The following KSR2 variants were observed in gnomAD, a reference collection of about 807,000 sequenced individuals.
KSR2 encodes the protein kinase suppressor of ras 2.
A neutral mutation model predicts 107.8 loss-of-function variants in KSR2; 25 were observed. That is an observed-to-expected ratio of 0.23 (90% confidence interval 0.17 to 0.32). The LOEUF (loss-of-function observed/expected upper bound fraction) is 0.32, where lower values mean the gene tolerates loss of function less well. Among genes scored for constraint, KSR2 ranks in the 10% least tolerant of loss-of-function variants. The pLI, the probability that KSR2 is intolerant of heterozygous loss-of-function variation, is 1.00. For synonymous variants in KSR2, 480 were observed against 507.0 expected, an observed-to-expected ratio of 0.95 and a Z score of 0.71; for missense variants, 887 against 1,268.9, an observed-to-expected ratio of 0.70 and a Z score of 4.57.
chr12:117,694,840 T>C (rs1401293787), intron 4 of KSR2, among the ~76,000 whole-genome samples: 1 of 103,478 alleles, frequency 9.7e-6, no homozygotes, highest in Non-Finnish European at 1.8e-5. Context: ...AAATGTTGTA[T>C]GATTCTTTTT....
chr12:117,657,927 C>T (rs924725336), intron 5 of KSR2, among the ~76,000 whole-genome samples: 4 of 152,230 alleles, frequency 2.6e-5, no homozygotes, highest in African/African-American at 9.6e-5. Context: ...ACACATATAC[C>T]TGCACATTGT....
At chr12:117,687,650 C>G (rs1035110073) in intron 4 of KSR2, among the ~76,000 whole-genome samples, 3 of 152,120 alleles carry the variant, frequency 2.0e-5, no homozygotes, top group African/African-American at 7.2e-5. Flanking sequence ...GACCGTCTAG[C>G]ATTCACCCCA....
intron 4 of KSR2, among the ~76,000 whole-genome samples, chr12:117,723,352 C>T (rs776870011): frequency 6.6e-6 from 1 of 152,156 alleles, no homozygotes; most frequent in Non-Finnish European, 1.5e-5. Context: ...TTTCAACCAA[C>T]CCATCACAAC....
chr12:117,727,121 A>T (rs982080124), intron 4 of KSR2, among the ~76,000 whole-genome samples: 1 of 152,014 alleles, frequency 6.6e-6, no homozygotes, highest in African/African-American at 2.4e-5. Flanking sequence ...TACACCTGTA[A>T]TCCCAGCACT....
intron 4 of KSR2, among the ~76,000 whole-genome samples, chr12:117,729,362 T>G (rs759467054): frequency 2.0e-5 from 3 of 152,102 alleles, no homozygotes; most frequent in Non-Finnish European, 1.5e-5. Context: ...ATTAGTTGCA[T>G]ACGACAACAG....
intron 15 of KSR2, among the ~76,000 whole-genome samples, 197 bp from the exon 16 acceptor site, chr12:117,484,746 C>G (rs924079398): frequency 8.5e-5 from 13 of 152,140 alleles, no homozygotes. Context: ...ACAGGCAGGG[C>G]CCCCAAGACA....
chr12:117,702,193 A>G (rs966145663), intron 4 of KSR2, among the ~76,000 whole-genome samples: 28 of 152,096 alleles, frequency 1.8e-4, no homozygotes, highest in Non-Finnish European at 1.8e-4. Context: ...TCCCCTCAGT[A>G]AGCCTCCCCC....
intron 3 of KSR2, among the ~76,000 whole-genome samples, chr12:117,840,761 G>A (rs539772915): frequency 2.0e-5 from 3 of 152,214 alleles, no homozygotes; most frequent in Admixed American, 2.0e-4. Flanking sequence ...CCAACACTCT[G>A]GGAGGCCGAG....
chr12:117,615,214 TACACACACACACACACACACACACAC>T (rs57116320), intron 5 of KSR2, among the ~76,000 whole-genome samples: 2 of 147,810 alleles, frequency 1.4e-5, no homozygotes, highest in African/African-American at 5.0e-5. Context: ...TCTCTTCAGT[TACACACACACACACACACACACACAC>T]ACACACACAC....
rs899992598 is a variant in KSR2, at chr12:117,507,701, G to C, written c.2219+17151C>G. Among the ~76,000 whole-genome samples, 8 of 152,226 alleles carry C rather than the reference G, an allele frequency of 5.3e-5. 1 individual carries two copies. In the South Asian group the frequency reaches 1.5e-3, roughly 28 times the overall value. ...GAGTGGGTTAAACCTACCCCCCTGC[G>C]ATCTTGTTTGAACTACTGATTTGCT... is the stretch of plus-strand genomic sequence containing the variant. On this transcript the variant is annotated intron_variant, in intron 14 of 19. Transcript: ENST00000339824.
chr12:117,566,841 T>C (rs939113361), intron 7 of KSR2, among the ~76,000 whole-genome samples: 3 of 152,190 alleles, frequency 2.0e-5, no homozygotes, highest in African/African-American at 7.2e-5. Context: ...ACCCATCTCT[T>C]GTGGCTTCAA....
chr12:117,709,312 C>T (rs1443992097), intron 4 of KSR2, among the ~76,000 whole-genome samples: 3 of 152,086 alleles, frequency 2.0e-5, no homozygotes, highest in African/African-American at 7.2e-5. Flanking sequence ...ATGACCTGCA[C>T]CCAACAATCA....
rs368850098 is a variant in KSR2, at chr12:117,524,946, G to T, written c.2125C>A (p.Arg709=). 8 of 1,613,666 alleles carry T rather than the reference G, an allele frequency of 5.0e-6. No individual in the cohort carries two copies. The highest frequency in any genetic ancestry group is 6.8e-6 in the Non-Finnish European group (8 of 1,179,858). ...GTCTGCCTGTAGGCCATCACCTCCCGCTTGAAGGCCTTGAGCTGGTCCTCG... is the reference window on the plus strand; with the variant it reads ...GTCTGCCTGTAGGCCATCACCTCCCTCTTGAAGGCCTTGAGCTGGTCCTCG... ...DNEDQLKAFK[R]EVMAYRQTRH... The change falls in exon 14 of 20, where the codon CGG becomes AGG. Residue 709 remains arginine, a synonymous_variant. Coordinates refer to ENST00000339824, the MANE Select transcript of KSR2 (RefSeq NM_173598.6).
At chr12:117,484,233 GCC>G (rs1340244756) in intron 16 of KSR2, among the ~76,000 whole-genome samples, 181 bp downstream of exon 16, 1 of 152,092 alleles carries the variant, frequency 6.6e-6, no homozygotes, top group African/African-American at 2.4e-5. Flanking sequence ...CAAGGTGCTG[GCC>G]CCCCCAGGGG....
chr12:117,878,836 A>G (rs1201814280), intron 1 of KSR2, among the ~76,000 whole-genome samples: 1 of 152,026 alleles, frequency 6.6e-6, no homozygotes, highest in Non-Finnish European at 1.5e-5. Flanking sequence ...GCAGAGAGGA[A>G]CTCCTCCCAA....
chr12:117,601,268 T>C (rs1451400639), intron 5 of KSR2, among the ~76,000 whole-genome samples: 1 of 142,528 alleles, frequency 7.0e-6, no homozygotes, highest in African/African-American at 2.6e-5. Context: ...AAATTGTCTG[T>C]GCTTACTTGT....
intron 3 of KSR2, among the ~76,000 whole-genome samples, chr12:117,829,107 A>G (rs1486517330): frequency 1.3e-5 from 2 of 152,162 alleles, no homozygotes; most frequent in Non-Finnish European, 2.9e-5. Context: ...AAGACATAAG[A>G]GTCACCATTC....
rs1027988755 is a variant in KSR2 at position 117,897,011 on chromosome 12, G to A, written c.181-36580C>T. Among the ~76,000 whole-genome samples, 8 of 152,130 alleles carry A rather than the reference G, an allele frequency of 5.3e-5. No homozygotes were observed. The highest frequency in any genetic ancestry group is 1.9e-4 in the African/African-American group (8 of 41,438). ...GACAAGACAGGTGCTGTGCCAAGCA[G>A]GGCAGTGATACTTCATCTGCCTAAC... On this transcript the variant is annotated intron_variant, in intron 1 of 19. Coordinates refer to ENST00000339824, the MANE Select transcript of KSR2 (RefSeq NM_173598.6). This position sits in a 1 kb window ranked among gnomAD's most constrained non-coding sequence, Gnocchi z 4.5.
At chr12:117,848,805 C>CGGTG (rs1198575437) in intron 3 of KSR2, among the ~76,000 whole-genome samples, 238 of 148,602 alleles carry the variant, frequency 1.6e-3, no homozygotes, top group Middle Eastern at 6.8e-3. Context: ...GTGGTAACAA[C>CGGTG]AGTGATGGTG....
Sources: gnomAD v4.1 joint callset for allele counts (sites outside exome capture counted in the v4.1 genomes callset) on GRCh38, gnomAD v4.1.1 for gene constraint, Gnocchi (gnomAD v3.1) non-coding constraint, MANE v1.5 for transcripts, NCBI Gene and HGNC (gene_info 2026-07-23, HGNC 2026-07-21) for gene names.